WDR27: variants seen among roughly 807,000 people sequenced by gnomAD.
WDR27 encodes WD repeat domain 27.
In WDR27, 100 loss-of-function variants were observed where a neutral mutation model predicts 114.4. That is an observed-to-expected ratio of 0.87 (90% CI 0.74 to 1.03). WDR27 has a LOEUF of 1.03. Ranked by LOEUF, WDR27 falls within the 50% of genes least tolerant of loss-of-function variation. WDR27 has a pLI of 0.00. For missense variants in WDR27, 1,129 were observed against 1,092.9 expected (o/e 1.03, Z -0.47); for synonymous variants, 449 against 423.1 (o/e 1.06, Z -0.75).
intron 25 of WDR27, among the ~76,000 whole-genome samples, chr6:169,540,416 C>G (rs1254591520): frequency 6.8e-6 from 1 of 147,280 alleles, no homozygotes; most frequent in Non-Finnish European, 1.5e-5. Flanking sequence ...CAGTATTGCT[C>G]TTATTGAATA....
chr6:169,650,405 CCCT>C (rs1822051506), intron 14 of WDR27, among the ~76,000 whole-genome samples: 2 of 149,730 alleles, frequency 1.3e-5, no homozygotes, highest in Non-Finnish European at 3.0e-5. Context: ...TCCCTCCATC[CCCT>C]CATCTATCCA....
chr6:169,532,928 G>A (rs1235529893), intron 25 of WDR27, among the ~76,000 whole-genome samples: 1 of 151,854 alleles, frequency 6.6e-6, no homozygotes, highest in Non-Finnish European at 1.5e-5. Flanking sequence ...TAGCAATCCA[G>A]CACCTATTTT....
At position 169,582,898 on chromosome 6, in the gene WDR27, G is replaced by A. The variant is rs1386756006; in HGVS notation, c.2461C>T (p.His821Tyr). ...GTGTCTGTGTGCCCAGCCAGCCGGTGAGAAAACGTGCTTGAGCCCATTTCA... is the reference window on the plus strand; with the variant it reads ...GTGTCTGTGTGCCCAGCCAGCCGGTAAGAAAACGTGCTTGAGCCCATTTCA... ...VYEMGSSTFS[H>Y]RLAGHTDTVT... is the part of the protein sequence containing the mutation. Residue 821 changes from histidine to tyrosine, a missense_variant, in exon 24 of 26, where the codon CAC becomes TAC. Physicochemically the swap from His to Tyr is moderately conservative, Grantham distance 83. Transcript: ENST00000448612. The A allele has an allele frequency of 6.2e-7, 1 of 1,613,842 alleles. No homozygotes were observed. Among genetic ancestry groups the A allele is most frequent in the African/African-American group, 1.3e-5 (1 of 74,926 alleles).
chr6:169,558,980 T>C (rs1341574815), intron 25 of WDR27: 1 of 152,198 alleles, frequency 6.6e-6, no homozygotes, highest in Non-Finnish European at 1.5e-5. Context: ...TCATAATACA[T>C]TGCACTTGGA....
intron 23 of WDR27, among the ~76,000 whole-genome samples, chr6:169,583,301 GA>G (rs1202818129): frequency 0.28 from 5,865 of 21,236 alleles, 346 homozygotes; most frequent in African/African-American, 0.46. Flanking sequence ...AAATTGAATG[GA>G]AAAAAAAAAA....
chr6:169,633,707 T>C (rs1425138918), intron 20 of WDR27, among the ~76,000 whole-genome samples: 2 of 152,204 alleles, frequency 1.3e-5, no homozygotes, highest in Admixed American at 1.3e-4. Context: ...ATGCTGGTGT[T>C]AGCGTTGGAT....
At chr6:169,595,242 T>C (rs1275258799) in intron 23 of WDR27, among the ~76,000 whole-genome samples, 1 of 152,264 alleles carries the variant, frequency 6.6e-6, no homozygotes, top group Non-Finnish European at 1.5e-5. Flanking sequence ...ATTTTATTTT[T>C]AATTCTATTT....
At chr6:169,517,588 T>C (rs73789991) in intron 25 of WDR27, among the ~76,000 whole-genome samples, 2,483 of 152,338 alleles carry the variant, frequency 0.016, 63 homozygotes, top group African/African-American at 0.057. Context: ...TTTCTTCATG[T>C]GGGTTTGAGT....
intron 5 of WDR27, 36 bp from the exon 6 acceptor site, chr6:169,667,223 C>G (rs1009827750): frequency 6.9e-7 from 1 of 1,459,294 alleles, no homozygotes; most frequent in African/African-American, 1.4e-5. Context: ...GAAGAGGTAA[C>G]AACGTTGCCA....
At chr6:169,625,101 A>C (rs1440854579) in intron 21 of WDR27, among the ~76,000 whole-genome samples, 2 of 152,218 alleles carry the variant, frequency 1.3e-5, no homozygotes, top group Non-Finnish European at 2.9e-5. Context: ...TGAGTCCTGG[A>C]GTGTCCGCGC....
Position 169,668,133 on chromosome 6 carries a change from T to C in WDR27, c.509A>G (p.Lys170Arg), listed in dbSNP as rs780774419. The C allele has an allele frequency of 6.2e-7, 1 of 1,613,984 alleles. No homozygotes were observed. Among genetic ancestry groups the C allele is most frequent in the Non-Finnish European group, 8.5e-7 (1 of 1,179,870 alleles). ...GTGCAGGAAGGTCGGTGGTGGGACT[T>C]TGTGGCGGTTATTAACATCAGGACG... ...IERPDVNNRH[K>R]VPPPTFLHTF... The change falls in exon 5 of 26, where the codon AAA becomes AGA. Residue 170 changes from lysine (K) to arginine (R), a missense_variant. Transcript: ENST00000448612.
In WDR27 at chr6:169,684,381, T is replaced by C. The variant is rs1448696982; in HGVS notation, c.189+4436A>G. On this transcript the variant is annotated intron_variant, in intron 2 of 25. Transcript: ENST00000448612. The surrounding 1 kb of genome is among the most constrained non-coding windows in gnomAD (Gnocchi z 4.3). Reference sequence around the variant, plus strand: ...GAAGAAATACTTCTGGGCTGCCCAATGTCCCCGAGTCTCCAATAAAGGCCT... The same window carrying C: ...GAAGAAATACTTCTGGGCTGCCCAACGTCCCCGAGTCTCCAATAAAGGCCT... 6.6e-6 allele frequency among the ~76,000 whole-genome samples: 1 copy of C among 152,132 alleles called. No homozygotes were observed. Among genetic ancestry groups the C allele is most frequent in the Non-Finnish European group, 1.5e-5 (1 of 68,016 alleles).
intron 25 of WDR27, among the ~76,000 whole-genome samples, chr6:169,487,244 T>G (rs1789056978): frequency 6.6e-6 from 1 of 152,242 alleles, no homozygotes; most frequent in Non-Finnish European, 1.5e-5. Context: ...ATACCATTAT[T>G]TTTTATAATG....
chr6:169,633,284 G>A (rs901672047), intron 20 of WDR27, among the ~76,000 whole-genome samples: 2 of 152,198 alleles, frequency 1.3e-5, no homozygotes, highest in Admixed American at 6.5e-5. Context: ...GGACGGGGGT[G>A]GGGGAGGGCT....
chr6:169,478,513 C>G (rs1052312480), intron 25 of WDR27, among the ~76,000 whole-genome samples: 2 of 151,736 alleles, frequency 1.3e-5, no homozygotes, highest in Non-Finnish European at 2.9e-5. Flanking sequence ...GAATTATAAG[C>G]CTATATCATA....
chr6:169,574,312 T>C (rs1281306630), intron 24 of WDR27, among the ~76,000 whole-genome samples: 1 of 152,284 alleles, frequency 6.6e-6, no homozygotes, highest in Non-Finnish European at 1.5e-5. Flanking sequence ...AGTCTTATTT[T>C]GACAACTGAG....
At chr6:169,649,637 C>G (rs1011869780) in intron 14 of WDR27, among the ~76,000 whole-genome samples, 5 of 152,058 alleles carry the variant, frequency 3.3e-5, no homozygotes, top group African/African-American at 1.2e-4. Context: ...ACACTGATGA[C>G]ATGCCTTAAT....
At chr6:169,486,105 G>A (rs142480450) in intron 25 of WDR27, among the ~76,000 whole-genome samples, 11 of 151,468 alleles carry the variant, frequency 7.3e-5, no homozygotes, top group Non-Finnish European at 1.2e-4. Flanking sequence ...CCCTTGATAT[G>A]ATATACCTAT....
intron 6 of WDR27, among the ~76,000 whole-genome samples, chr6:169,665,797 G>A (rs1478066263): frequency 6.6e-6 from 1 of 152,190 alleles, no homozygotes; most frequent in African/African-American, 2.4e-5. Context: ...AGGCTGCCCG[G>A]TGAGTCCACC....
Sources: allele counts gnomAD v4.1 joint callset (sites outside exome capture counted in the v4.1 genomes callset), GRCh38; gene constraint gnomAD v4.1.1; non-coding constraint Gnocchi (gnomAD v3.1); transcripts MANE v1.5; gene names NCBI Gene and HGNC (gene_info 2026-07-23, HGNC 2026-07-21).